The following ULK4 variants were observed in gnomAD, a reference collection of about 807,000 sequenced individuals.
ULK4 encodes unc-51 like kinase 4.
ULK4 carries 133 observed loss-of-function variants against 160.6 expected under a neutral mutation model. That is an observed-to-expected ratio of 0.83 (90% CI 0.72 to 0.96). The LOEUF (loss-of-function observed/expected upper bound fraction) is 0.96, where lower values mean the gene tolerates loss of function less well. ULK4 is among the 40% of genes least tolerant of loss of function. The probability of loss-of-function intolerance (pLI) is 0.00; values close to 1 mark genes in which losing one functional copy is unlikely to be tolerated. For missense variants in ULK4, 1,580 were observed against 1,499.5 expected, an observed-to-expected ratio of 1.05 and a Z score of -0.89; for synonymous variants, 534 against 539.8, an observed-to-expected ratio of 0.99 and a Z score of 0.15.
At chr3:41,637,507 G>A (rs2125711237) in intron 30 of ULK4, among the ~76,000 whole-genome samples, 1 of 152,302 alleles carries the variant, frequency 6.6e-6, no homozygotes, top group South Asian at 2.1e-4. Context: ...GAACATGGGA[G>A]TGCAATATCT....
chr3:41,700,630 T>G (rs1246995398), intron 27 of ULK4, among the ~76,000 whole-genome samples: 2 of 152,162 alleles, frequency 1.3e-5, no homozygotes, highest in African/African-American at 2.4e-5. Flanking sequence ...ATAGTTGATT[T>G]CAGGGAATGC....
chr3:41,906,271 T>C (rs1575924313), intron 12 of ULK4, among the ~76,000 whole-genome samples: 1 of 129,460 alleles, frequency 7.7e-6, no homozygotes, highest in Non-Finnish European at 1.6e-5. Context: ...ATACCTACAA[T>C]CCCAGCACTC....
chr3:41,280,171 G>A (rs2079323505), intron 35 of ULK4, among the ~76,000 whole-genome samples: 1 of 152,110 alleles, frequency 6.6e-6, no homozygotes, highest in East Asian at 1.9e-4. Flanking sequence ...AGTCCTTAGA[G>A]ACCTACAAAG....
At chr3:41,942,801 A>T (rs1447250307) in intron 2 of ULK4, among the ~76,000 whole-genome samples, 2 of 151,954 alleles carry the variant, frequency 1.3e-5, no homozygotes, top group Non-Finnish European at 2.9e-5. Flanking sequence ...GGGCAACAAG[A>T]GTGAAACTCC....
intron 35 of ULK4, among the ~76,000 whole-genome samples, chr3:41,268,813 C>CAAAA (rs1176923529): frequency 1.5e-3 from 42 of 28,486 alleles, no homozygotes; most frequent in East Asian, 3.3e-3. Context: ...CACACACACA[C>CAAAA]AAAAAAAAAA....
intron 21 of ULK4, among the ~76,000 whole-genome samples, chr3:41,773,339 A>C (rs1204882682): frequency 6.6e-6 from 1 of 152,208 alleles, no homozygotes; most frequent in Non-Finnish European, 1.5e-5. Context: ...CTCAGCCCAA[A>C]ATATCCTTAA....
chr3:41,753,873 T>G (rs2038707684), intron 22 of ULK4, among the ~76,000 whole-genome samples: 1 of 152,190 alleles, frequency 6.6e-6, no homozygotes, highest in African/African-American at 2.4e-5. Context: ...TGGGGAGGCC[T>G]CAGGAAACTT....
At chr3:41,560,261 T>C (rs1246390850) in intron 32 of ULK4, among the ~76,000 whole-genome samples, 2 of 152,336 alleles carry the variant, frequency 1.3e-5, no homozygotes, top group African/African-American at 2.4e-5. Context: ...TGTTGGTTAC[T>C]GTAGCCTTGT....
At position 41,869,925 on chromosome 3, in the gene ULK4, AT is replaced by A. The variant is rs1373611812; in HGVS notation, c.1656+13948del. ...TCTCAGTTTGGAGACTAATTTACTC[AT>A]TTTTTTCCTTATTTCCCTTTTATTG... On this transcript the variant is annotated intron_variant, in intron 17 of 36. Coordinates refer to ENST00000301831, the MANE Select transcript of ULK4 (RefSeq NM_017886.4). Among the ~76,000 whole-genome samples the A allele has an allele frequency of 3.3e-5, 5 of 152,112 alleles. No homozygotes were observed. The East Asian group carries it at 9.6e-4, about 29-fold the overall frequency.
Position 41,897,010 on chromosome 3 carries a change from T to G in ULK4, c.1349-7A>C, listed in dbSNP as rs771892052. 1.9e-6 allele frequency: 3 copies of G among 1,595,654 alleles called. No individual in the cohort carries two copies. The highest frequency in any genetic ancestry group is 1.4e-5 in the African/African-American group (1 of 74,006). On this transcript the variant is annotated splice_region_variant and splice_polypyrimidine_tract_variant and intron_variant, in intron 14 of 36. Coordinates refer to ENST00000301831, the MANE Select transcript of ULK4 (RefSeq NM_017886.4). ...AGAAATAATAACTTATCCACTGCGATGGAAAGAAAATAATAAAAGTACATA... is the reference window on the plus strand; with the variant it reads ...AGAAATAATAACTTATCCACTGCGAGGGAAAGAAAATAATAAAAGTACATA...
At chr3:41,931,740 C>G in intron 5 of ULK4, 104 bp downstream of exon 5, 1 of 1,383,422 alleles carries the variant, frequency 7.2e-7, no homozygotes, top group Non-Finnish European at 1.0e-6. Context: ...TTTTCAATAT[C>G]TTATTTGAGT....
intron 35 of ULK4, among the ~76,000 whole-genome samples, chr3:41,391,138 A>C (rs1343232427): frequency 1.3e-5 from 2 of 152,078 alleles, no homozygotes; most frequent in South Asian, 2.1e-4. Flanking sequence ...GGACAGATAC[A>C]ACAAAATCAT....
At chr3:41,692,024 T>G (rs537009788) in intron 27 of ULK4, among the ~76,000 whole-genome samples, 1 of 138,244 alleles carries the variant, frequency 7.2e-6, no homozygotes, top group South Asian at 2.4e-4. Context: ...CGATCTCAGC[T>G]CACTGCAAGC....
intron 32 of ULK4, among the ~76,000 whole-genome samples, chr3:41,538,492 A>C (rs565696008): frequency 6.6e-6 from 1 of 152,112 alleles, no homozygotes; most frequent in Non-Finnish European, 1.5e-5. Context: ...TGCTTCTTAG[A>C]AGCACTTTTA....
At chr3:41,408,134 T>C (rs1270851465) in intron 34 of ULK4, among the ~76,000 whole-genome samples, 1 of 150,002 alleles carries the variant, frequency 6.7e-6, no homozygotes, top group African/African-American at 2.4e-5. Flanking sequence ...TAGCAAAAAA[T>C]AAAAAAAAAT....
At chr3:41,571,857 C>T (rs1049472415) in intron 31 of ULK4, among the ~76,000 whole-genome samples, 3 of 152,170 alleles carry the variant, frequency 2.0e-5, no homozygotes, top group Admixed American at 6.5e-5. Flanking sequence ...ACTTTTGGTG[C>T]CCTGATACAT....
chr3:41,259,201 G>A (rs959040680), intron 35 of ULK4, among the ~76,000 whole-genome samples: 6 of 151,754 alleles, frequency 4.0e-5, no homozygotes, highest in Non-Finnish European at 5.9e-5. Flanking sequence ...CTTTAACATG[G>A]CACTGTGTCA....
Position 41,715,526 on chromosome 3 carries a change from T to C in ULK4, c.2498A>G (p.His833Arg), listed in dbSNP as rs1173825653. 1 of 1,614,108 alleles carries C rather than the reference T, an allele frequency of 6.2e-7. No individual in the cohort carries two copies. The highest frequency in any genetic ancestry group is 1.1e-5 in the South Asian group (1 of 91,086). Residue 833 changes from histidine (H) to arginine (R), a missense_variant, in exon 24 of 37, where the codon CAC becomes CGC. Transcript: ENST00000301831. The part of the protein sequence containing the change: ...NSLANVSGRK[H>R]PSTVQVKQLK... ...CTGTTTCACTTGAACTGTTGATGGG[T>C]GTTTACGTCCAGAAACATTAGCCAA...
At chr3:41,803,060 G>A (rs1205269420) in intron 19 of ULK4, among the ~76,000 whole-genome samples, 1 of 151,914 alleles carries the variant, frequency 6.6e-6, no homozygotes, top group African/African-American at 2.4e-5. Flanking sequence ...AGCTACTCAG[G>A]AGACTGAGGC....
Sources: gnomAD v4.1 joint callset for allele counts (sites outside exome capture counted in the v4.1 genomes callset) on GRCh38, gnomAD v4.1.1 for gene constraint, MANE v1.5 for transcripts, NCBI Gene and HGNC (gene_info 2026-07-23, HGNC 2026-07-21) for gene names.